Variants in SLC24A3 observed in about 807,000 individuals in gnomAD.
SLC24A3 encodes the protein sodium/potassium/calcium exchanger 3.
SLC24A3 carries 28 observed loss-of-function variants against 75.8 expected under a neutral mutation model. The observed-to-expected ratio is 0.37, with a 90% confidence interval of 0.27 to 0.51. The LOEUF (loss-of-function observed/expected upper bound fraction) is 0.51, where lower values mean the gene tolerates loss of function less well. SLC24A3 is among the 20% of genes least tolerant of loss of function. The pLI is 0.94. For missense variants in SLC24A3, 663 were observed against 847.8 expected (o/e 0.78, Z 2.71); for synonymous variants, 372 against 334.1 (o/e 1.11, Z -1.24).
intron 6 of SLC24A3, among the ~76,000 whole-genome samples, chr20:19,645,439 G>A (rs1049884621): frequency 6.6e-6 from 1 of 152,138 alleles, no homozygotes; most frequent in Non-Finnish European, 1.5e-5. Flanking sequence ...GAATAAATAA[G>A]TGGAGTGGTT....
intron 14 of SLC24A3, 101 bp downstream of exon 14, chr20:19,697,012 G>A (rs573156854): frequency 2.4e-5 from 8 of 338,474 alleles, no homozygotes; most frequent in South Asian, 1.4e-4. Context: ...GGAGGGAGAA[G>A]AGAAAGGGAG....
rs142479647 is a variant in SLC24A3 at position 19,515,525 on chromosome 20, G to A, written c.309G>A (p.Glu103=). The A allele has an allele frequency of 1.1e-5, 17 of 1,614,024 alleles. No individual in the cohort carries two copies. The African/African-American group carries it at 2.0e-4, about 19-fold the overall frequency. Residue 103 remains glutamate, a synonymous_variant, in exon 3 of 17, where the codon GAG becomes GAA. Transcript: ENST00000328041. ...HEFPNDIFTN[E]DRRQGAVVLH... is the part of the protein sequence containing the mutation. ...TCCCCAATGACATCTTCACAAACGAGGATAGAAGACAAGGTGCGGTGGTCC... is the reference window on the plus strand; with the variant it reads ...TCCCCAATGACATCTTCACAAACGAAGATAGAAGACAAGGTGCGGTGGTCC...
intron 2 of SLC24A3, among the ~76,000 whole-genome samples, chr20:19,459,128 T>C (rs1987628111): frequency 6.6e-6 from 1 of 152,226 alleles, no homozygotes; most frequent in South Asian, 2.1e-4. Context: ...ATATGTGTGA[T>C]ACATCCTTCT....
intron 6 of SLC24A3, among the ~76,000 whole-genome samples, chr20:19,641,219 G>A (rs891559888): frequency 2.0e-5 from 3 of 152,050 alleles, no homozygotes; most frequent in African/African-American, 7.2e-5. Context: ...GGAAGCCCTG[G>A]CCTCAAGTTC....
At chr20:19,377,168 G>A (rs973808113) in intron 2 of SLC24A3, among the ~76,000 whole-genome samples, 2 of 152,194 alleles carry the variant, frequency 1.3e-5, no homozygotes, top group Non-Finnish European at 2.9e-5. Context: ...TACTTGGTGT[G>A]TGGGGGATTA....
At chr20:19,583,113 C>G (rs955164222) in intron 4 of SLC24A3, among the ~76,000 whole-genome samples, 1 of 152,120 alleles carries the variant, frequency 6.6e-6, no homozygotes, top group Non-Finnish European at 1.5e-5. Flanking sequence ...TCCCAGGGCT[C>G]CTAGCTGCAG....
intron 2 of SLC24A3, among the ~76,000 whole-genome samples, chr20:19,302,581 A>G (rs1464538349): frequency 2.0e-5 from 3 of 152,202 alleles, no homozygotes; most frequent in African/African-American, 7.2e-5. Context: ...CAGGTCTTCT[A>G]CTCCAGAAGC....
At chr20:19,350,987 A>G (rs1381678985) in intron 2 of SLC24A3, among the ~76,000 whole-genome samples, 11 of 152,220 alleles carry the variant, frequency 7.2e-5, no homozygotes, top group Non-Finnish European at 1.3e-4. Flanking sequence ...GACTTTATAC[A>G]TATTAATGCC....
chr20:19,681,963 C>T lies in SLC24A3; in HGVS notation c.873C>T (p.Cys291=), dbSNP rs772430227. 1.7e-5 allele frequency: 27 copies of T among 1,613,992 alleles called. No homozygotes were observed. Among genetic ancestry groups the T allele is most frequent in the Admixed American group, 5.0e-5 (3 of 59,998 alleles). The part of the protein sequence containing the change: ...NNAEIDDSSN[C]DATVVLLKKA... The stretch of plus-strand genomic sequence containing the variant: ...CTGAAATTGATGACAGCAGCAACTG[C>T]GACGCAACTGTGGTGCTACTTAAGA... The change falls in exon 10 of 17, where the codon TGC becomes TGT. Residue 291 remains cysteine, a synonymous_variant. Transcript: ENST00000328041.
intron 2 of SLC24A3, among the ~76,000 whole-genome samples, chr20:19,370,895 G>A (rs1272396251): frequency 6.6e-6 from 1 of 152,188 alleles, no homozygotes; most frequent in African/African-American, 2.4e-5. Flanking sequence ...CAGCAGCCTG[G>A]TGGGTCCCGG....
intron 2 of SLC24A3, among the ~76,000 whole-genome samples, chr20:19,396,836 G>T (rs900247210): frequency 6.6e-6 from 1 of 152,150 alleles, no homozygotes; most frequent in Non-Finnish European, 1.5e-5. Context: ...AAAAAAATGT[G>T]TCAAAGCATG....
intron 2 of SLC24A3, among the ~76,000 whole-genome samples, chr20:19,393,361 C>A (rs1252570364): frequency 6.6e-6 from 1 of 152,000 alleles, no homozygotes; most frequent in Non-Finnish European, 1.5e-5. Context: ...CTCAACATAC[C>A]ACTGGAAATC....
At chr20:19,651,656 G>A (rs1002951310) in intron 6 of SLC24A3, among the ~76,000 whole-genome samples, 3 of 151,694 alleles carry the variant, frequency 2.0e-5, no homozygotes, top group African/African-American at 4.8e-5. Flanking sequence ...TCAGGAGATC[G>A]AGACCATCCT....
At chr20:19,436,411 AC>A (rs1361809903) in intron 2 of SLC24A3, among the ~76,000 whole-genome samples, 2 of 152,154 alleles carry the variant, frequency 1.3e-5, no homozygotes, top group Non-Finnish European at 2.9e-5. Context: ...CTCCTGCTCT[AC>A]CTGCTGAAAA....
intron 3 of SLC24A3, among the ~76,000 whole-genome samples, chr20:19,569,475 C>T (rs1340483443): frequency 6.6e-6 from 1 of 152,100 alleles, no homozygotes; most frequent in Non-Finnish European, 1.5e-5. Flanking sequence ...CATCCTTTCC[C>T]AAGCTTCCTG....
chr20:19,313,000 G>T (rs1241157471), intron 2 of SLC24A3, among the ~76,000 whole-genome samples: 2 of 141,516 alleles, frequency 1.4e-5, no homozygotes, highest in Admixed American at 7.0e-5. Context: ...GTTCTCCAGG[G>T]TTTTCAAGTA....
At chr20:19,605,633 C>A (rs1002417039) in intron 6 of SLC24A3, among the ~76,000 whole-genome samples, 7 of 152,240 alleles carry the variant, frequency 4.6e-5, no homozygotes, top group Admixed American at 3.3e-4. Flanking sequence ...TCAGCATAGG[C>A]CTTCTTACAT....
chr20:19,308,093 T>G (rs1984373371), intron 2 of SLC24A3, among the ~76,000 whole-genome samples: 1 of 152,054 alleles, frequency 6.6e-6, no homozygotes, highest in Non-Finnish European at 1.5e-5. Context: ...CCTTAGAAAA[T>G]GGATGTGGGA....
intron 3 of SLC24A3, among the ~76,000 whole-genome samples, chr20:19,521,865 C>A (rs1313578826): frequency 1.3e-5 from 2 of 152,136 alleles, no homozygotes; most frequent in East Asian, 3.9e-4. Context: ...TTCCCCAGCC[C>A]CCATCTCCTC....
Sources: gnomAD v4.1 joint callset for allele counts (sites outside exome capture counted in the v4.1 genomes callset) on GRCh38, gnomAD v4.1.1 for gene constraint, MANE v1.5 for transcripts, NCBI Gene and HGNC (gene_info 2026-07-23, HGNC 2026-07-21) for gene names.